Variants in SUZ12 observed in about 807,000 individuals in gnomAD.
SUZ12 encodes polycomb protein SUZ12.
A neutral mutation model predicts 87.3 loss-of-function variants in SUZ12; 17 were observed. The observed-to-expected ratio is 0.19, with a 90% CI of 0.13 to 0.29. The LOEUF (loss-of-function observed/expected upper bound fraction) is 0.29, where lower values mean the gene tolerates loss of function less well. SUZ12 is among the 10% of genes least tolerant of loss of function. The pLI, the probability that SUZ12 is intolerant of heterozygous loss-of-function variation, is 1.00. For missense variants in SUZ12, 526 were observed against 912.2 expected (o/e 0.58, Z 5.45); for synonymous variants, 253 against 312.4 (o/e 0.81, Z 2.01).
At chr17:31,977,430 C>G (rs1413262396) in intron 8 of SUZ12, among the ~76,000 whole-genome samples, 1 of 152,068 alleles carries the variant, frequency 6.6e-6, no homozygotes, top group Non-Finnish European at 1.5e-5. Context: ...CAGGTGCGTG[C>G]CACCACGCCC....
Position 31,937,339 on chromosome 17 carries a change from G to A in SUZ12, c.93G>A (p.Val31=). 1.4e-6 allele frequency: 2 copies of A among 1,478,780 alleles called. No homozygotes were observed. Among genetic ancestry groups the A allele is most frequent in the Non-Finnish European group, 1.8e-6 (2 of 1,119,760 alleles). The allele number at this position is 1,478,780 out of a possible 1,614,324, so 91.6% of individuals were successfully genotyped here. Residue 31 remains valine, a synonymous_variant, in exon 1 of 16, where the codon GTG becomes GTA. Coordinates refer to ENST00000322652, the MANE Select transcript of SUZ12 (RefSeq NM_015355.4). ...GCGGCTTCGGGGGTTCGGCGGCGGT[G>A]GCGGCGGCGACGGCTTCGGGCGGCA... ...GGGGFGGSAA[V]AAATASGGKS...
chr17:31,937,227 G>C lies in SUZ12; in HGVS notation c.-20G>C, dbSNP rs1905983853. 7.1e-7 allele frequency: 1 copy of C among 1,401,046 alleles called. No homozygotes were observed. Among genetic ancestry groups the C allele is most frequent in the Non-Finnish European group, 9.2e-7 (1 of 1,088,730 alleles). The allele number at this position is 1,401,046 out of a possible 1,614,324, so 86.8% of individuals were successfully genotyped here. ...GGCCGCCCGGCGGGTAGCTGGCGGG[G>C]GGAGGAGGCAGGAACCGCGATGGCG... is the stretch of plus-strand genomic sequence containing the variant. On this transcript the variant is annotated 5_prime_UTR_variant, in exon 1 of 16. Coordinates refer to ENST00000322652, the MANE Select transcript of SUZ12 (RefSeq NM_015355.4).
intron 8 of SUZ12, among the ~76,000 whole-genome samples, chr17:31,979,638 T>C (rs1457722455): frequency 6.6e-6 from 1 of 152,226 alleles, no homozygotes; most frequent in Non-Finnish European, 1.5e-5. Context: ...GGGATTCTAA[T>C]GAGTGATGTG....
chr17:31,978,882 CG>C (rs1452419134), intron 8 of SUZ12, among the ~76,000 whole-genome samples: 2 of 151,562 alleles, frequency 1.3e-5, no homozygotes, highest in Admixed American at 6.6e-5. Context: ...CTGAGGCGGG[CG>C]GATCACGAGG....
chr17:31,991,418 G>A (rs1159827288), intron 10 of SUZ12, among the ~76,000 whole-genome samples: 1 of 151,740 alleles, frequency 6.6e-6, no homozygotes, highest in Admixed American at 6.6e-5. Flanking sequence ...CAAGTAAACT[G>A]TAGTATGGGC....
intron 3 of SUZ12, 72 bp from the exon 4 acceptor site, chr17:31,947,545 G>A (rs1235584335): frequency 3.9e-6 from 6 of 1,526,398 alleles, no homozygotes; most frequent in Non-Finnish European, 5.3e-6. Flanking sequence ...GCCTATTAGA[G>A]TGACAATAAA....
intron 12 of SUZ12, chr17:31,994,293 C>T: frequency 2.3e-6 from 1 of 433,036 alleles, no homozygotes. Flanking sequence ...TCACAAAATC[C>T]TCAACCAACT....
rs1042350460 is a variant in SUZ12, at chr17:31,999,450, AG to A, written c.*449del. The A allele has an allele frequency of 8.6e-6, 2 of 231,682 alleles. No individual in the cohort carries two copies. The highest frequency in any genetic ancestry group is 5.6e-5 in the Admixed American group (1 of 17,752). The allele number at this position is 231,682 out of a possible 1,614,324, so 14.4% of individuals were successfully genotyped here. A position where few individuals can be genotyped will look rare whatever the true frequency, so the allele number is the denominator to read the frequency against. On this transcript the variant is annotated 3_prime_UTR_variant, in exon 16 of 16. Transcript: ENST00000322652. ...GGTCTTCATATGTCAACTACAGAAA[AG>A]GAAAAAAATAGAAATTGAAGGATTT...
chr17:31,972,675 A>G (rs1435658073), intron 5 of SUZ12, among the ~76,000 whole-genome samples: 1 of 151,614 alleles, frequency 6.6e-6, no homozygotes, highest in Non-Finnish European at 1.5e-5. Context: ...TGGCCTCCCA[A>G]AGTGTTGGGA....
In SUZ12 at chr17:31,996,875, T is replaced by C; in HGVS notation, c.1872T>C (p.His624=). 6.7e-7 allele frequency: 1 copy of C among 1,497,434 alleles called. No homozygotes were observed. Among genetic ancestry groups the C allele is most frequent in the East Asian group, 2.5e-5 (1 of 39,956 alleles). The allele number at this position is 1,497,434 out of a possible 1,614,324, so 92.8% of individuals were successfully genotyped here. The change falls in exon 15 of 16, where the codon CAT becomes CAC. Residue 624 remains histidine, a splice_region_variant and synonymous_variant. Coordinates refer to ENST00000322652, the MANE Select transcript of SUZ12 (RefSeq NM_015355.4). The stretch of plus-strand genomic sequence containing the variant: ...TCTGGAATCTCCATGTCATGAAGCA[T>C]GGGTAGGGTATTTCTAAATTAATTT... ...MKLWNLHVMK[H]GFIADNQMNH...
chr17:31,942,416 A>G (rs1379190532), intron 3 of SUZ12, among the ~76,000 whole-genome samples: 3 of 151,424 alleles, frequency 2.0e-5, no homozygotes, highest in African/African-American at 4.9e-5. Context: ...GCTCACTGCA[A>G]CCTCCACCTC....
chr17:31,965,528 T>C (rs200233349), intron 4 of SUZ12, among the ~76,000 whole-genome samples: 15 of 149,156 alleles, frequency 1.0e-4, no homozygotes, highest in South Asian at 8.8e-4. Flanking sequence ...ACAGTGAAAA[T>C]GATATATTGA....
chr17:31,961,663 T>C (rs1413582834), intron 4 of SUZ12, among the ~76,000 whole-genome samples: 1 of 152,204 alleles, frequency 6.6e-6, no homozygotes, highest in Non-Finnish European at 1.5e-5. Context: ...TTGTTAATTT[T>C]CAGTGTGTTG....
chr17:31,947,374 G>A (rs1906696729), intron 3 of SUZ12, among the ~76,000 whole-genome samples: 1 of 152,100 alleles, frequency 6.6e-6, no homozygotes, highest in Admixed American at 6.6e-5. Context: ...CACTGGTTTG[G>A]GAATAATTGG....
intron 4 of SUZ12, among the ~76,000 whole-genome samples, chr17:31,963,201 G>A (rs189865746): frequency 2.2e-3 from 329 of 152,324 alleles, no homozygotes; most frequent in African/African-American, 7.2e-3. Flanking sequence ...CTGGAGTGCA[G>A]TGGCACAATC....
chr17:31,994,769 G>A (rs1427805469), intron 13 of SUZ12, 48 bp downstream of exon 13: 1 of 1,572,906 alleles, frequency 6.4e-7, no homozygotes, highest in Admixed American at 1.8e-5. Context: ...GATTTTTACT[G>A]ATGTTGGAGG....
rs1348261210 is a variant in SUZ12, at chr17:31,940,425, A to G, written c.325A>G (p.Ile109Val). The change falls in exon 3 of 16, where the codon ATA becomes GTA. Residue 109 changes from isoleucine to valine, a missense_variant. By Grantham distance (29) the Ile-to-Val change is conservative. Around this residue, in one of 9 missense-constraint regions of SUZ12, gnomAD observed 18 missense variants for 62.3 expected, o/e 0.29. Coordinates refer to ENST00000322652, the MANE Select transcript of SUZ12 (RefSeq NM_015355.4). ...FLRTRNLIAP[I>V]FLHRTLTYMS... Reference sequence around the variant, plus strand: ...ATTTTTAAAACTCTTTTTGTAGCCAATATTTTTGCACAGAACTCTTACTTA... The same window carrying G: ...ATTTTTAAAACTCTTTTTGTAGCCAGTATTTTTGCACAGAACTCTTACTTA... The G allele has an allele frequency of 6.9e-6, 11 of 1,592,376 alleles. No individual in the cohort carries two copies. Among genetic ancestry groups the G allele is most frequent in the South Asian group, 1.1e-5 (1 of 87,814 alleles).
chr17:31,943,395 T>G (rs762555904), intron 3 of SUZ12, among the ~76,000 whole-genome samples: 1 of 152,110 alleles, frequency 6.6e-6, no homozygotes, highest in Non-Finnish European at 1.5e-5. Flanking sequence ...AATGTCAATC[T>G]GTAAATTTTT....
chr17:32,000,460 T>C lies in SUZ12; in HGVS notation c.*1457T>C, dbSNP rs929145129. ...CCAGTATTAAGTTCTTAGTCATTGA[T>C]TTTTGTGTTTAAAAAAAAATAGGAA... On this transcript the variant is annotated 3_prime_UTR_variant, in exon 16 of 16. Transcript: ENST00000322652. 44 of 232,458 alleles carry C rather than the reference T, an allele frequency of 1.9e-4. 1 individual carries two copies. The highest frequency in any genetic ancestry group is 3.4e-4 in the Non-Finnish European group (40 of 117,706). The allele number at this position is 232,458 out of a possible 1,614,324, so 14.4% of individuals were successfully genotyped here. A position where few individuals can be genotyped will look rare whatever the true frequency, so the allele number is the denominator to read the frequency against.
Sources: gnomAD v4.1 joint callset for allele counts (sites outside exome capture counted in the v4.1 genomes callset) on GRCh38, gnomAD v4.1.1 for gene constraint, gnomAD v4.1.1 regional missense constraint, MANE v1.5 for transcripts, NCBI Gene and HGNC (gene_info 2026-07-23, HGNC 2026-07-21) for gene names.